The following NCOA2 variants were observed in gnomAD, a reference collection of about 807,000 sequenced individuals.
The protein encoded by NCOA2 is class E basic helix-loop-helix protein 75.
A neutral mutation model predicts 145.1 loss-of-function variants in NCOA2; 21 were observed. That is an observed-to-expected ratio of 0.14 (90% CI 0.10 to 0.21). The LOEUF (loss-of-function observed/expected upper bound fraction) is 0.21. NCOA2 is among the 10% of genes least tolerant of loss of function. The pLI is 1.00. For missense variants in NCOA2, 1,472 were observed against 1,837.6 expected (o/e 0.80, Z 3.64); for synonymous variants, 619 against 637.5 (o/e 0.97, Z 0.44).
chr8:70,112,081 GTTCA>G lies in NCOA2; in HGVS notation c.*1547_*1550del, dbSNP rs1563461236. 4.4e-5 allele frequency: 9 copies of G among 205,410 alleles called. No individual in the cohort carries two copies. The South Asian group carries it at 1.5e-3, about 34-fold the overall frequency. 12.7% of individuals were successfully genotyped at this position (205,410 alleles called of 1,614,324 possible). A position where few individuals can be genotyped will look rare whatever the true frequency, so the allele number is the denominator to read the frequency against. On this transcript the variant is annotated 3_prime_UTR_variant, in exon 23 of 23. Coordinates refer to ENST00000452400, the MANE Select transcript of NCOA2 (RefSeq NM_006540.4). ...CTTAGTAACATGTAGTCTTTCTAAG[GTTCA>G]TTAAGAAAGAATATAAACATATAAA...
At chr8:70,114,593 C>T (rs1415059026) in intron 22 of NCOA2, among the ~76,000 whole-genome samples, 6 of 152,124 alleles carry the variant, frequency 3.9e-5, no homozygotes, top group South Asian at 2.1e-4. Flanking sequence ...AAAAATTGCC[C>T]GACTAGGCAA....
At chr8:70,365,122 C>T (rs1175297127) in intron 1 of NCOA2, among the ~76,000 whole-genome samples, 1 of 152,112 alleles carries the variant, frequency 6.6e-6, no homozygotes, top group Non-Finnish European at 1.5e-5. Context: ...CACTTGAATT[C>T]AGGTGTTTGA....
At chr8:70,203,427 ATTGAT>A (rs1818126886) in intron 4 of NCOA2, among the ~76,000 whole-genome samples, 1 of 152,092 alleles carries the variant, frequency 6.6e-6, no homozygotes, top group Non-Finnish European at 1.5e-5. Context: ...GATCGTTCTT[ATTGAT>A]TTGTTTTTAA....
chr8:70,328,601 C>T (rs536559438), intron 1 of NCOA2, among the ~76,000 whole-genome samples: 2 of 152,162 alleles, frequency 1.3e-5, no homozygotes, highest in East Asian at 3.9e-4. Context: ...TCAAGGCTCA[C>T]TTATAAAAAC....
chr8:70,293,659 C>T (rs888969071), intron 2 of NCOA2, among the ~76,000 whole-genome samples: 3 of 152,200 alleles, frequency 2.0e-5, no homozygotes, highest in Non-Finnish European at 4.4e-5. Context: ...TATAAATCCA[C>T]AGTGAGTTCA....
At chr8:70,275,305 C>T (rs1288699156) in intron 2 of NCOA2, among the ~76,000 whole-genome samples, 1 of 151,984 alleles carries the variant, frequency 6.6e-6, no homozygotes, top group Non-Finnish European at 1.5e-5. Context: ...GAGAAATCAT[C>T]TAAGAGTAGA....
the NCOA2 span, among the ~76,000 whole-genome samples, chr8:70,419,768 A>T: frequency 2.0e-5 from 3 of 152,164 alleles, no homozygotes; most frequent in Non-Finnish European, 2.9e-5. Flanking sequence ...TTGTCATTTT[A>T]AGGCACCCTC....
At chr8:70,188,794 C>T (rs189031245) in intron 4 of NCOA2, among the ~76,000 whole-genome samples, 56 of 152,190 alleles carry the variant, frequency 3.7e-4, no homozygotes, top group African/African-American at 1.3e-3. Flanking sequence ...GAATCAGAAA[C>T]TTACAAGAAA....
intron 11 of NCOA2, among the ~76,000 whole-genome samples, chr8:70,149,244 T>G (rs1053001690): frequency 6.6e-6 from 1 of 151,874 alleles, no homozygotes; most frequent in Non-Finnish European, 1.5e-5. Context: ...TTTTTGTTTT[T>G]TTTTTTCTGA....
At chr8:70,128,532 G>A (rs1808713661) in intron 17 of NCOA2, 22 bp from the exon 18 acceptor site, 5 of 1,606,546 alleles carry the variant, frequency 3.1e-6, no homozygotes, top group Non-Finnish European at 4.3e-6. Context: ...CAAACAGGAT[G>A]AATACATTTT....
At chr8:70,268,858 G>T (rs948073859) in intron 2 of NCOA2, among the ~76,000 whole-genome samples, 1 of 152,164 alleles carries the variant, frequency 6.6e-6, no homozygotes, top group African/African-American at 2.4e-5. Context: ...ATAAGACTGA[G>T]CAAGTATCAT....
At chr8:70,296,540 G>C (rs1827102579) in intron 2 of NCOA2, among the ~76,000 whole-genome samples, 3 of 152,128 alleles carry the variant, frequency 2.0e-5, no homozygotes, top group Admixed American at 2.0e-4. Flanking sequence ...CTGATAAACA[G>C]ATATGAGCAT....
At chr8:70,395,052 T>C (rs1563842549) in intron 1 of NCOA2, among the ~76,000 whole-genome samples, 1 of 152,176 alleles carries the variant, frequency 6.6e-6, no homozygotes, top group African/African-American at 2.4e-5. Flanking sequence ...ATGATCTACA[T>C]ACATGAAATC....
intron 1 of NCOA2, among the ~76,000 whole-genome samples, chr8:70,297,641 C>G (rs1033869457): frequency 3.3e-5 from 5 of 152,058 alleles, no homozygotes; most frequent in Admixed American, 6.6e-5. Context: ...CCAAGGACAG[C>G]CTTTATGGCA....
intron 1 of NCOA2, among the ~76,000 whole-genome samples, chr8:70,391,540 T>C (rs1813208860): frequency 6.6e-6 from 1 of 152,168 alleles, no homozygotes; most frequent in Non-Finnish European, 1.5e-5. Context: ...AGCAATAAGC[T>C]CTCAAAGGTT....
At chr8:70,202,345 C>T (rs539771338) in intron 4 of NCOA2, among the ~76,000 whole-genome samples, 22 of 152,160 alleles carry the variant, frequency 1.4e-4, no homozygotes, top group African/African-American at 5.1e-4. Context: ...TGGGTATATA[C>T]CCAAAAGAAT....
intron 3 of NCOA2, among the ~76,000 whole-genome samples, chr8:70,215,296 G>A (rs1229095438): frequency 6.6e-6 from 1 of 152,148 alleles, no homozygotes; most frequent in Non-Finnish European, 1.5e-5. Context: ...AGAAAGGGGA[G>A]TTGTGTTCAA....
At chr8:70,246,886 A>T (rs1016586289) in intron 2 of NCOA2, among the ~76,000 whole-genome samples, 2 of 152,178 alleles carry the variant, frequency 1.3e-5, no homozygotes, top group Admixed American at 6.5e-5. Flanking sequence ...CATTTCACAA[A>T]ATCATTTTAC....
the NCOA2 span, among the ~76,000 whole-genome samples, chr8:70,421,507 A>G: frequency 2.0e-5 from 3 of 152,160 alleles, no homozygotes; most frequent in African/African-American, 7.2e-5. Flanking sequence ...GCAGTGAGCT[A>G]TGATCGCACC....
Sources: allele counts gnomAD v4.1 joint callset (sites outside exome capture counted in the v4.1 genomes callset), GRCh38; gene constraint gnomAD v4.1.1; transcripts MANE v1.5; gene names NCBI Gene and HGNC (gene_info 2026-07-23, HGNC 2026-07-21).